The following FYB1 variants were observed in gnomAD, a reference collection of about 807,000 sequenced individuals.
FYB1 encodes the protein FYN binding protein 1.
Under a neutral mutation model 94.1 loss-of-function variants are expected in FYB1, and 41 were observed. That is an observed-to-expected ratio of 0.44 (90% CI 0.34 to 0.57). The LOEUF is 0.57. Among genes scored for constraint, FYB1 ranks in the 20% least tolerant of loss-of-function variants. The probability of loss-of-function intolerance (pLI) is 0.02; values close to 1 mark genes in which losing one functional copy is unlikely to be tolerated. For missense variants in FYB1, 1,050 were observed against 976.8 expected (o/e 1.07, Z -1.00); for synonymous variants, 367 against 353.2 (o/e 1.04, Z -0.44).
chr5:39,201,990 C>A lies in FYB1; in HGVS notation c.971G>T (p.Gly324Val). ...CTTTTCCTGACTTTGGCCCCATGGC[C>A]CCCCCACTGTCAGCTTAGAAGGGGC... The part of the protein sequence containing the change: ...PKAPSKLTVG[G>V]PWGQSQEKEK... The change falls in exon 2 of 19, where the codon GGG becomes GTG. Residue 324 changes from glycine (G) to valine (V), a missense_variant. Transcript: ENST00000512982. The A allele has an allele frequency of 6.2e-7, 1 of 1,613,992 alleles. No individual in the cohort carries two copies. The highest frequency in any genetic ancestry group is 8.5e-7 in the Non-Finnish European group (1 of 1,179,898).
intron 1 of FYB1, among the ~76,000 whole-genome samples, chr5:39,233,684 A>G (rs895371524): frequency 7.2e-5 from 11 of 152,190 alleles, no homozygotes; most frequent in African/African-American, 2.4e-4. Context: ...AATGCCTGGC[A>G]TAATAGAAAA....
At chr5:39,239,417 A>G (rs143553153) in intron 1 of FYB1, among the ~76,000 whole-genome samples, 272 of 152,270 alleles carry the variant, frequency 1.8e-3, no homozygotes, top group Middle Eastern at 6.8e-3. Flanking sequence ...AAAACCCTAT[A>G]GTCTCTGACC....
At chr5:39,242,827 C>T (rs1192711116) in intron 1 of FYB1, among the ~76,000 whole-genome samples, 1 of 152,132 alleles carries the variant, frequency 6.6e-6, no homozygotes, top group Non-Finnish European at 1.5e-5. Flanking sequence ...TTAATGATCG[C>T]CATCCTAACT....
chr5:39,188,810 A>G (rs954955331), intron 2 of FYB1, among the ~76,000 whole-genome samples: 1 of 151,984 alleles, frequency 6.6e-6, no homozygotes, highest in African/African-American at 2.4e-5. Flanking sequence ...TGGGACTACT[A>G]GCGTGAGCCA....
intron 1 of FYB1, among the ~76,000 whole-genome samples, chr5:39,252,543 G>A (rs1158735148): frequency 6.6e-6 from 1 of 152,140 alleles, no homozygotes; most frequent in African/African-American, 2.4e-5. Flanking sequence ...TTTTAAAAAG[G>A]TCAAAGCATA....
At chr5:39,228,292 A>T (rs889723638) in intron 1 of FYB1, among the ~76,000 whole-genome samples, 1 of 152,220 alleles carries the variant, frequency 6.6e-6, no homozygotes, top group Non-Finnish European at 1.5e-5. Context: ...CTGAATTTCA[A>T]CTTTATATAT....
chr5:39,169,243 G>A (rs1745022255), intron 2 of FYB1: 7 of 1,124,852 alleles, frequency 6.2e-6, no homozygotes, highest in Middle Eastern at 3.9e-4. Flanking sequence ...TGCATTTCTG[G>A]TGTATAAGTC....
At position 39,134,900 on chromosome 5, in the gene FYB1, C is replaced by T; in HGVS notation, c.1630G>A (p.Asp544Asn). Residue 544 changes from aspartate to asparagine, a missense_variant, in exon 8 of 19, where the codon GAC (aspartate) becomes AAC (asparagine). Physicochemically the swap from Asp to Asn is conservative, Grantham distance 23. Transcript: ENST00000512982. ...GEQIEIIRIT[D>N]NPEGKWLGRT... ...CCCAACCATTTTCCTTCTGGGTTGT[C>T]TGTGATGCGGATGATTTCAATTTGC... The T allele has an allele frequency of 8.1e-6, 13 of 1,613,924 alleles. No homozygotes were observed. Among genetic ancestry groups the T allele is most frequent in the Non-Finnish European group, 1.0e-5 (12 of 1,179,874 alleles).
At chr5:39,233,708 A>T (rs1750843390) in intron 1 of FYB1, among the ~76,000 whole-genome samples, 1 of 152,138 alleles carries the variant, frequency 6.6e-6, no homozygotes, top group Non-Finnish European at 1.5e-5. Flanking sequence ...CTGTATCCTG[A>T]TGTTTGCTCT....
chr5:39,185,611 T>TATACATATATATACATATATATACACAC (rs1746692046), intron 2 of FYB1, among the ~76,000 whole-genome samples: 3 of 138,708 alleles, frequency 2.2e-5, no homozygotes, highest in African/African-American at 5.9e-5. Flanking sequence ...TATATACACA[T>TATACATATATATACATATATATACACAC]ATATATATAT....
At chr5:39,151,889 C>G (rs866213710) in intron 3 of FYB1, among the ~76,000 whole-genome samples, 1 of 152,206 alleles carries the variant, frequency 6.6e-6, no homozygotes, top group Non-Finnish European at 1.5e-5. Flanking sequence ...ATTCTTCTTA[C>G]AGACTACCCC....
At chr5:39,261,923 A>T (rs1470275386) in intron 1 of FYB1, among the ~76,000 whole-genome samples, 1 of 152,172 alleles carries the variant, frequency 6.6e-6, no homozygotes. Context: ...AACGTAAATA[A>T]TACTGCAACC....
chr5:39,131,309 AG>A (rs1357749405), intron 9 of FYB1, among the ~76,000 whole-genome samples: 1 of 152,224 alleles, frequency 6.6e-6, no homozygotes, highest in Non-Finnish European at 1.5e-5. Flanking sequence ...AAAAAATCCC[AG>A]AAATCATCTC....
chr5:39,167,582 T>G (rs1428978), intron 2 of FYB1, among the ~76,000 whole-genome samples: 5,271 of 152,252 alleles, frequency 0.035, 309 homozygotes, highest in African/African-American at 0.12. Context: ...TGTTCCAGAG[T>G]ATTCTGTGTT....
intron 1 of FYB1, among the ~76,000 whole-genome samples, chr5:39,240,412 G>C (rs907752226): frequency 2.0e-5 from 3 of 152,128 alleles, no homozygotes; most frequent in African/African-American, 7.2e-5. Flanking sequence ...GAAAATGTTT[G>C]CAAACTATGC....
intron 1 of FYB1, among the ~76,000 whole-genome samples, chr5:39,273,337 A>G (rs1243770646): frequency 6.6e-6 from 1 of 152,228 alleles, no homozygotes; most frequent in Non-Finnish European, 1.5e-5. Flanking sequence ...AGAAAAGTTG[A>G]GTTGAAACTC....
At chr5:39,236,314 A>G (rs922688683) in intron 1 of FYB1, among the ~76,000 whole-genome samples, 2 of 152,102 alleles carry the variant, frequency 1.3e-5, no homozygotes, top group African/African-American at 4.8e-5. Flanking sequence ...CTGGACTTTA[A>G]TAGACTAAAG....
intron 3 of FYB1, among the ~76,000 whole-genome samples, chr5:39,150,483 ACTTT>A (rs1308492484): frequency 1.3e-5 from 2 of 152,122 alleles, no homozygotes; most frequent in African/African-American, 4.8e-5. Context: ...TGGAACACTT[ACTTT>A]ACTTTATGGA....
At chr5:39,147,713 T>C (rs1201515948) in intron 3 of FYB1, among the ~76,000 whole-genome samples, 2 of 148,800 alleles carry the variant, frequency 1.3e-5, no homozygotes, top group Non-Finnish European at 3.0e-5. Context: ...TTTTTTTTTT[T>C]TTCTTTTTTT....
Sources: allele counts gnomAD v4.1 joint callset (sites outside exome capture counted in the v4.1 genomes callset), GRCh38; gene constraint gnomAD v4.1.1; transcripts MANE v1.5; gene names NCBI Gene and HGNC (gene_info 2026-07-23, HGNC 2026-07-21).